NSUN6: variants seen among roughly 807,000 people sequenced by gnomAD.
The protein encoded by NSUN6 is tRNA (cytosine(72)-C(5))-methyltransferase NSUN6.
NSUN6 carries 64 observed loss-of-function variants against 58.0 expected under a neutral mutation model. The observed-to-expected ratio is 1.10, with a 90% CI of 0.90 to 1.36. The LOEUF (loss-of-function observed/expected upper bound fraction) is 1.36, where lower values mean the gene tolerates loss of function less well. NSUN6 is among the 40% of genes most tolerant of loss of function. The pLI is 0.00. For missense variants in NSUN6, 701 were observed against 550.1 expected, an observed-to-expected ratio of 1.27 and a Z score of -2.74; for synonymous variants, 231 against 193.9, an observed-to-expected ratio of 1.19 and a Z score of -1.59.
chr10:18,604,998 G>A (rs952673006), intron 6 of NSUN6, among the ~76,000 whole-genome samples: 4 of 150,654 alleles, frequency 2.7e-5, no homozygotes, highest in African/African-American at 9.7e-5. Context: ...CCATTCTCCT[G>A]CCTCAGCCTC....
At chr10:18,591,236 C>T (rs1041706117) in intron 7 of NSUN6, among the ~76,000 whole-genome samples, 2 of 152,042 alleles carry the variant, frequency 1.3e-5, no homozygotes, top group South Asian at 2.1e-4. Context: ...GAAATTGAGG[C>T]GGTAATAGCC....
chr10:18,644,164 C>T (rs2059471063), intron 2 of NSUN6, among the ~76,000 whole-genome samples: 1 of 152,192 alleles, frequency 6.6e-6, no homozygotes, highest in South Asian at 2.1e-4. Flanking sequence ...GCAGTCAATC[C>T]CTGTTCCCAT....
At chr10:18,630,618 T>A (rs570214365) in intron 3 of NSUN6, among the ~76,000 whole-genome samples, 131 of 152,312 alleles carry the variant, frequency 8.6e-4, no homozygotes, top group African/African-American at 2.9e-3. Context: ...CAGAGAATAC[T>A]ACAAACACCT....
At chr10:18,645,934 C>T (rs1393630152) in intron 2 of NSUN6, among the ~76,000 whole-genome samples, 1 of 152,144 alleles carries the variant, frequency 6.6e-6, no homozygotes, top group Non-Finnish European at 1.5e-5. Flanking sequence ...GGGATTCACG[C>T]GTGTAATCCC....
Position 18,617,087 on chromosome 10 carries a change from C to T in NSUN6, c.312-794G>A, listed in dbSNP as rs138513972. ...CCCCGCCAGGTTCCAAAACATGCGA[C>T]CATCTCTACTCACCTTGCATTCTAT... On this transcript the variant is annotated intron_variant, in intron 3 of 10. Transcript: ENST00000377304. 3.8e-3 allele frequency among the ~76,000 whole-genome samples: 573 copies of T among 152,204 alleles called. 4 individuals are homozygous for T. The highest frequency in any genetic ancestry group is 0.013 in the African/African-American group (520 of 41,508).
chr10:18,570,228 T>C (rs1200975944), intron 8 of NSUN6, among the ~76,000 whole-genome samples: 2 of 151,298 alleles, frequency 1.3e-5, no homozygotes, highest in African/African-American at 4.8e-5. Context: ...TTCCATTGCA[T>C]TCTATTCTCC....
chr10:18,597,371 C>G (rs1188655762), intron 6 of NSUN6, among the ~76,000 whole-genome samples: 1 of 152,172 alleles, frequency 6.6e-6, no homozygotes, highest in East Asian at 1.9e-4. Context: ...TTTGCTTAAG[C>G]TGGGTTCAAA....
At chr10:18,627,747 G>A (rs1031667469) in intron 3 of NSUN6, among the ~76,000 whole-genome samples, 4 of 152,244 alleles carry the variant, frequency 2.6e-5, no homozygotes, top group African/African-American at 4.8e-5. Flanking sequence ...CCCGCGGCTC[G>A]GAGGGTCCTA....
rs757065969 is a variant in NSUN6, at chr10:18,585,966, ATATCAAG to A, written c.898_904del (p.Leu300TrpfsTer40). 2 of 1,606,452 alleles carry A rather than the reference ATATCAAG, an allele frequency of 1.2e-6. No homozygotes were observed. The highest frequency in any genetic ancestry group is 2.7e-5 in the African/African-American group (2 of 74,474). On this transcript the variant is annotated frameshift_variant, in exon 8 of 11. Transcript: ENST00000377304. LOFTEE classifies it high-confidence loss of function. ...TAGCTCACCTTCTGTGTCCTCCACC[ATATCAAG>A]TTTAACCGCCTTTGTTCCATCAAAA... is the stretch of plus-strand genomic sequence containing the variant.
At chr10:18,642,219 G>C (rs562929380) in intron 3 of NSUN6, among the ~76,000 whole-genome samples, 5 of 151,920 alleles carry the variant, frequency 3.3e-5, no homozygotes, top group East Asian at 1.9e-4. Flanking sequence ...CAGAAAGTGG[G>C]GGGGGGAAAA....
At chr10:18,565,452 C>G (rs2055855947) in intron 8 of NSUN6, among the ~76,000 whole-genome samples, 1 of 147,708 alleles carries the variant, frequency 6.8e-6, no homozygotes, top group Middle Eastern at 3.6e-3. Flanking sequence ...TTTCATTCCA[C>G]TCTCCATTCC....
At chr10:18,646,424 G>A (rs2059548523) in intron 2 of NSUN6, among the ~76,000 whole-genome samples, 1 of 152,008 alleles carries the variant, frequency 6.6e-6, no homozygotes, top group African/African-American at 2.4e-5. Context: ...AAGCTTCCCT[G>A]TCCAACGTTA....
At chr10:18,609,694 A>C (rs912368103) in intron 6 of NSUN6, 151 bp downstream of exon 6, 1 of 474,606 alleles carries the variant, frequency 2.1e-6, no homozygotes, top group African/African-American at 2.0e-5. Flanking sequence ...GAATGCTTGT[A>C]AAGTTTTTTC....
At chr10:18,559,695 T>C (rs1381640159) in intron 8 of NSUN6, among the ~76,000 whole-genome samples, 9 of 148,588 alleles carry the variant, frequency 6.1e-5, no homozygotes, top group East Asian at 2.0e-4. Flanking sequence ...CATTGGAATA[T>C]GGAATGCAAT....
At position 18,579,390 on chromosome 10, in the gene NSUN6, T is replaced by G. The variant is rs7915735; in HGVS notation, c.922+6559A>C. On this transcript the variant is annotated intron_variant, in intron 8 of 10. Transcript: ENST00000377304. ...TTTCACCGTGTTAGCCAGGATGGTG[T>G]TGATCTCCTGACGTCGTGATCCACC... 2.8e-3 allele frequency among the ~76,000 whole-genome samples: 421 copies of G among 152,252 alleles called. 2 individuals are homozygous for G. Among genetic ancestry groups the G allele is most frequent in the African/African-American group, 9.7e-3 (403 of 41,558 alleles).
At chr10:18,636,106 C>T (rs569293144) in intron 3 of NSUN6, among the ~76,000 whole-genome samples, 2 of 151,972 alleles carry the variant, frequency 1.3e-5, no homozygotes, top group South Asian at 2.1e-4. Flanking sequence ...CAACCAGACT[C>T]AGCTAACTTG....
At chr10:18,574,491 A>C (rs1388274061) in intron 8 of NSUN6, among the ~76,000 whole-genome samples, 1 of 152,146 alleles carries the variant, frequency 6.6e-6, no homozygotes, top group Non-Finnish European at 1.5e-5. Flanking sequence ...CCAGACCTAG[A>C]AGAAACTCCC....
chr10:18,655,837 G>A (rs1169486658), upstream of NSUN6, among the ~76,000 whole-genome samples: 2 of 152,130 alleles, frequency 1.3e-5, no homozygotes, highest in African/African-American at 4.8e-5. Flanking sequence ...AGTACCTGTT[G>A]GAAGGAGCAT....
intron 8 of NSUN6, among the ~76,000 whole-genome samples, chr10:18,555,285 G>C (rs1201460061): frequency 3.4e-5 from 5 of 148,436 alleles, no homozygotes; most frequent in Non-Finnish European, 6.0e-5. Context: ...ATGGAATGAA[G>C]AATGGAATGG....
Sources: gnomAD v4.1 joint callset for allele counts (sites outside exome capture counted in the v4.1 genomes callset) on GRCh38, gnomAD v4.1.1 for gene constraint, MANE v1.5 for transcripts, NCBI Gene and HGNC (gene_info 2026-07-23, HGNC 2026-07-21) for gene names.